Variants in ADGRL2 observed in about 807,000 individuals in gnomAD.
ADGRL2 encodes calcium-independent alpha-latrotoxin receptor 2.
In ADGRL2, 44 loss-of-function variants were observed where a neutral mutation model predicts 157.4. That is an observed-to-expected ratio of 0.28 (90% CI 0.22 to 0.36). The LOEUF is 0.36. Among genes scored for constraint, ADGRL2 ranks in the 10% least tolerant of loss-of-function variants. ADGRL2 has a pLI of 1.00. For synonymous variants in ADGRL2, 585 were observed against 624.7 expected, an observed-to-expected ratio of 0.94 and a Z score of 0.95; for missense variants, 1,510 against 1,768.9, an observed-to-expected ratio of 0.85 and a Z score of 2.63.
chr1:81,432,548 G>T (rs1175662304), intron 1 of ADGRL2, among the ~76,000 whole-genome samples: 1 of 152,126 alleles, frequency 6.6e-6, no homozygotes, highest in African/African-American at 2.4e-5. Context: ...TAAATGATTG[G>T]GATTTTGTCA....
intron 3 of ADGRL2, among the ~76,000 whole-genome samples, chr1:81,931,691 A>G (rs2095233007): frequency 6.6e-6 from 1 of 151,992 alleles, no homozygotes; most frequent in Admixed American, 6.6e-5. Flanking sequence ...TGTTTTTGAG[A>G]CAGGGTTTCA....
chr1:81,369,554 G>C (rs1469067120), intron 1 of ADGRL2, among the ~76,000 whole-genome samples: 2 of 152,046 alleles, frequency 1.3e-5, no homozygotes, highest in African/African-American at 4.8e-5. Context: ...CTCTATATGG[G>C]GTCTATTGTT....
chr1:81,307,088 ATAGT>A (rs1418322708), intron 1 of ADGRL2, among the ~76,000 whole-genome samples: 4 of 152,244 alleles, frequency 2.6e-5, no homozygotes, highest in Admixed American at 2.0e-4. Context: ...AGTATTACAA[ATAGT>A]TAGGATTCAG....
At chr1:81,431,983 C>A (rs1442601229) in intron 1 of ADGRL2, among the ~76,000 whole-genome samples, 1 of 152,136 alleles carries the variant, frequency 6.6e-6, no homozygotes, top group African/African-American at 2.4e-5. Flanking sequence ...TATCCCTCAG[C>A]CCCTGTATTT....
chr1:81,426,439 G>A (rs2077217781), intron 1 of ADGRL2: 1 of 377,940 alleles, frequency 2.6e-6, no homozygotes, highest in Non-Finnish European at 5.1e-6. Context: ...AGTCGGAAGA[G>A]GTGAGTCCGG....
At chr1:81,610,965 T>A (rs1257668650) in intron 3 of ADGRL2, among the ~76,000 whole-genome samples, 1 of 152,132 alleles carries the variant, frequency 6.6e-6, no homozygotes. Context: ...TAGAAAGAGA[T>A]CATCAACATG....
At chr1:81,869,157 T>C (rs1024246228) in intron 2 of ADGRL2, among the ~76,000 whole-genome samples, 1 of 152,118 alleles carries the variant, frequency 6.6e-6, no homozygotes, top group Non-Finnish European at 1.5e-5. Context: ...AATGTTGGTG[T>C]TGTTGACTGA....
intron 1 of ADGRL2, chr1:81,722,291 T>TA (rs1037353995): frequency 5.5e-3 from 2,412 of 435,880 alleles, no homozygotes; most frequent in East Asian, 9.5e-3. Flanking sequence ...AGACTCCGTC[T>TA]AAAAAAAAAA....
chr1:81,724,913 A>G (rs991721130), intron 1 of ADGRL2, among the ~76,000 whole-genome samples: 15 of 152,324 alleles, frequency 9.8e-5, no homozygotes, highest in African/African-American at 3.6e-4. Context: ...AAAATCCTTT[A>G]AAAACACCAC....
intron 2 of ADGRL2, among the ~76,000 whole-genome samples, chr1:81,523,018 T>C (rs900224988): frequency 6.6e-6 from 1 of 151,526 alleles, no homozygotes; most frequent in African/African-American, 2.4e-5. Flanking sequence ...ATTAAAGATA[T>C]GGCTTCTCAA....
At chr1:81,462,137 A>C (rs2077947037) in intron 2 of ADGRL2, among the ~76,000 whole-genome samples, 1 of 152,116 alleles carries the variant, frequency 6.6e-6, no homozygotes, top group South Asian at 2.1e-4. Flanking sequence ...AAATGGACCA[A>C]TCAGCACTCT....
intron 11 of ADGRL2, 48 bp from the exon 12 acceptor site, chr1:81,966,010 T>C: frequency 6.2e-7 from 1 of 1,602,620 alleles, no homozygotes; most frequent in Non-Finnish European, 8.5e-7. Context: ...TAGTTAACTC[T>C]TAAAGAATCC....
chr1:81,393,814 C>T (rs2076602735), intron 1 of ADGRL2, among the ~76,000 whole-genome samples: 2 of 102,382 alleles, frequency 2.0e-5, no homozygotes, highest in Admixed American at 1.3e-4. Flanking sequence ...ATACTATTGC[C>T]TTGCTTTTTT....
intron 2 of ADGRL2, among the ~76,000 whole-genome samples, chr1:81,461,706 A>T (rs1383675776): frequency 1.3e-5 from 2 of 152,128 alleles, no homozygotes; most frequent in Non-Finnish European, 2.9e-5. Flanking sequence ...ATATGTTGAT[A>T]CTTTCTGATC....
chr1:81,579,565 C>A (rs990070650), intron 2 of ADGRL2, among the ~76,000 whole-genome samples: 1 of 151,982 alleles, frequency 6.6e-6, no homozygotes, highest in Non-Finnish European at 1.5e-5. Context: ...GCAAACCTAC[C>A]GACACATTTT....
At chr1:81,401,417 T>TTCCCAGCTGA (rs144526395) in intron 1 of ADGRL2, among the ~76,000 whole-genome samples, 83,846 of 151,480 alleles carry the variant, frequency 0.55, 23,841 homozygotes, top group East Asian at 0.81. Flanking sequence ...TTCCTCCTGG[T>TTCCCAGCTGA]TCCCAGCTGC....
intron 1 of ADGRL2, among the ~76,000 whole-genome samples, chr1:81,416,586 T>G (rs1329425066): frequency 6.6e-6 from 1 of 152,220 alleles, no homozygotes; most frequent in African/African-American, 2.4e-5. Context: ...AACGTTCACA[T>G]TTTGCATCCA....
At chr1:81,384,535 T>C (rs111986922) in intron 1 of ADGRL2, among the ~76,000 whole-genome samples, 16 of 152,350 alleles carry the variant, frequency 1.1e-4, no homozygotes, top group African/African-American at 3.6e-4. Flanking sequence ...TGTCACCATT[T>C]TAAATTTATC....
chr1:81,577,246 C>T (rs1182336003), intron 2 of ADGRL2, among the ~76,000 whole-genome samples: 1 of 152,150 alleles, frequency 6.6e-6, no homozygotes, highest in Admixed American at 6.6e-5. Context: ...TCTTGATATC[C>T]TGTGTGAATT....
Sources: gnomAD v4.1 joint callset for allele counts (sites outside exome capture counted in the v4.1 genomes callset) on GRCh38, gnomAD v4.1.1 for gene constraint, MANE v1.5 for transcripts, NCBI Gene and HGNC (gene_info 2026-07-23, HGNC 2026-07-21) for gene names.